The following RABGAP1L variants were observed in gnomAD, a reference collection of about 807,000 sequenced individuals.
RABGAP1L encodes rab GTPase-activating protein 1-like.
Under a neutral mutation model 137.7 loss-of-function variants are expected in RABGAP1L, and 63 were observed. The ratio of observed to expected loss-of-function variants is 0.46; its 90% CI spans 0.37 to 0.56. The LOEUF is 0.56. RABGAP1L is among the 20% of genes least tolerant of loss of function. RABGAP1L has a pLI of 0.00. For missense variants in RABGAP1L, 1,095 were observed against 1,244.0 expected (o/e 0.88, Z 1.80); for synonymous variants, 431 against 433.7 (o/e 0.99, Z 0.08).
chr1:174,571,916 C>T (rs1668008307), intron 13 of RABGAP1L, among the ~76,000 whole-genome samples: 1 of 152,078 alleles, frequency 6.6e-6, no homozygotes, highest in Non-Finnish European at 1.5e-5. Flanking sequence ...AGGATTAGTC[C>T]CAAATACTCA....
chr1:174,852,480 C>T (rs1002426483), intron 19 of RABGAP1L, among the ~76,000 whole-genome samples: 1 of 152,088 alleles, frequency 6.6e-6, no homozygotes, highest in African/African-American at 2.4e-5. Context: ...AATGCTTCTG[C>T]CTTATGTGCA....
intron 1 of RABGAP1L, among the ~76,000 whole-genome samples, chr1:174,171,926 G>A (rs967701567): frequency 1.3e-5 from 2 of 152,164 alleles, no homozygotes; most frequent in Admixed American, 6.5e-5. Context: ...GTTTTAACCC[G>A]GGAGGCGGAG....
At chr1:174,566,062 T>A (rs560416621) in intron 13 of RABGAP1L, among the ~76,000 whole-genome samples, 2 of 152,222 alleles carry the variant, frequency 1.3e-5, no homozygotes, top group South Asian at 4.1e-4. Context: ...CTAATTTTTG[T>A]AGAAATTAGG....
intron 17 of RABGAP1L, among the ~76,000 whole-genome samples, chr1:174,733,348 C>A (rs1283777991): frequency 6.6e-6 from 1 of 152,176 alleles, no homozygotes; most frequent in Non-Finnish European, 1.5e-5. Context: ...TTTCGTGGTC[C>A]CATCCCTCCC....
chr1:174,334,335 T>C (rs1681289040), intron 11 of RABGAP1L, among the ~76,000 whole-genome samples: 1 of 152,304 alleles, frequency 6.6e-6, no homozygotes, highest in East Asian at 1.9e-4. Context: ...AAACTGGTCT[T>C]CCTGCCTTCC....
At chr1:174,242,841 T>G (rs1671941191) in intron 5 of RABGAP1L, 1 of 152,196 alleles carries the variant, frequency 6.6e-6, no homozygotes. Flanking sequence ...AATGGTCTGA[T>G]AGACAGGAGA....
chr1:174,847,173 CTT>C (rs1000880335), intron 19 of RABGAP1L, among the ~76,000 whole-genome samples: 4 of 149,906 alleles, frequency 2.7e-5, no homozygotes, highest in African/African-American at 4.9e-5. Flanking sequence ...GGTCTTGACT[CTT>C]TATCCAACTT....
At chr1:174,276,280 A>G (rs1674994236) in intron 9 of RABGAP1L, among the ~76,000 whole-genome samples, 2 of 152,116 alleles carry the variant, frequency 1.3e-5, no homozygotes, top group African/African-American at 2.4e-5. Context: ...GCTATTAAAT[A>G]GAACTACAGG....
intron 11 of RABGAP1L, among the ~76,000 whole-genome samples, chr1:174,349,128 G>GACGA: frequency 7.3e-6 from 1 of 136,488 alleles, no homozygotes; most frequent in African/African-American, 2.8e-5. Context: ...CTCCCGGACG[G>GACGA]GGCGGCTGGC....
intron 17 of RABGAP1L, among the ~76,000 whole-genome samples, chr1:174,735,032 A>G (rs973049315): frequency 6.9e-6 from 1 of 144,356 alleles, no homozygotes; most frequent in Non-Finnish European, 1.5e-5. Context: ...GCACAATCAT[A>G]GCTTACTGCC....
intron 11 of RABGAP1L, among the ~76,000 whole-genome samples, chr1:174,365,033 G>A (rs372990233): frequency 6.6e-6 from 1 of 152,170 alleles, no homozygotes; most frequent in East Asian, 1.9e-4. Context: ...ACTCTTTGCT[G>A]TCCTCTCCTT....
chr1:174,759,265 G>A (rs1434769286), intron 18 of RABGAP1L, among the ~76,000 whole-genome samples: 2 of 144,640 alleles, frequency 1.4e-5, no homozygotes, highest in Non-Finnish European at 3.0e-5. Context: ...AGAAACATTC[G>A]AGGCTGGGTA....
At chr1:174,493,177 A>G (rs1660423169) in intron 13 of RABGAP1L, among the ~76,000 whole-genome samples, 1 of 146,498 alleles carries the variant, frequency 6.8e-6, no homozygotes, top group South Asian at 2.3e-4. Flanking sequence ...TAGGTAACAT[A>G]CTAGATCCTG....
chr1:174,396,726 CT>C (rs777116690), intron 13 of RABGAP1L, among the ~76,000 whole-genome samples: 1 of 151,976 alleles, frequency 6.6e-6, no homozygotes, highest in African/African-American at 2.4e-5. Context: ...ATACCATCCC[CT>C]GATATTATTT....
intron 1 of RABGAP1L, among the ~76,000 whole-genome samples, chr1:174,173,951 A>G (rs758243074): frequency 9.2e-5 from 14 of 151,418 alleles, no homozygotes; most frequent in Non-Finnish European, 2.1e-4. Context: ...GCAGTACCTC[A>G]TCTCTCTGAA....
At chr1:174,418,326 T>C (rs906728251) in intron 13 of RABGAP1L, among the ~76,000 whole-genome samples, 3 of 152,248 alleles carry the variant, frequency 2.0e-5, no homozygotes, top group Admixed American at 2.0e-4. Context: ...GAACTCAATG[T>C]AGAATGATTT....
In RABGAP1L at chr1:174,448,977, G is replaced by C; in HGVS notation, c.1710+54832G>C. On this transcript the variant is annotated intron_variant, in intron 13 of 25. Transcript: ENST00000681986. The surrounding 1 kb of genome is among the most constrained non-coding windows in gnomAD (Gnocchi z 4.2). ...TATATAATTTACTTTCTTCTAGAAAGCTCCCGGGTCTTGGACAATCCAACT... is the reference window on the plus strand; with the variant it reads ...TATATAATTTACTTTCTTCTAGAAACCTCCCGGGTCTTGGACAATCCAACT... The C allele has an allele frequency of 6.2e-7, 1 of 1,613,866 alleles. No individual in the cohort carries two copies.
chr1:174,598,326 C>CAA (rs35838560), intron 13 of RABGAP1L, among the ~76,000 whole-genome samples: 14 of 68,626 alleles, frequency 2.0e-4, no homozygotes, highest in Middle Eastern at 5.7e-3. Context: ...GACTCTGTCT[C>CAA]AAAAAAAAAA....
chr1:174,743,313 A>G (rs1418672946), intron 17 of RABGAP1L, among the ~76,000 whole-genome samples: 1 of 152,180 alleles, frequency 6.6e-6, no homozygotes, highest in Non-Finnish European at 1.5e-5. Context: ...CAGTTCTTCC[A>G]TACTTTTTTT....
Sources: allele counts gnomAD v4.1 joint callset (sites outside exome capture counted in the v4.1 genomes callset), GRCh38; gene constraint gnomAD v4.1.1; non-coding constraint Gnocchi (gnomAD v3.1); transcripts MANE v1.5; gene names NCBI Gene and HGNC (gene_info 2026-07-23, HGNC 2026-07-21).